Variants in PRKD1 observed in about 807,000 individuals in gnomAD.
PRKD1 encodes serine/threonine-protein kinase D1.
In PRKD1, 63 loss-of-function variants were observed where a neutral mutation model predicts 95.9. The observed-to-expected ratio is 0.66, with a 90% confidence interval of 0.54 to 0.81. PRKD1 has a LOEUF of 0.81. Among genes scored for constraint, PRKD1 ranks in the 30% least tolerant of loss-of-function variants. The pLI, the probability that PRKD1 is intolerant of heterozygous loss-of-function variation, is 0.00. For missense variants in PRKD1, 1,048 were observed against 1,165.3 expected (o/e 0.90, Z 1.47); for synonymous variants, 425 against 423.1 (o/e 1.00, Z -0.05).
At chr14:29,871,197 A>G (rs925421514) in intron 1 of PRKD1, among the ~76,000 whole-genome samples, 1 of 152,226 alleles carries the variant, frequency 6.6e-6, no homozygotes, top group South Asian at 2.1e-4. Flanking sequence ...GTGAGCAACA[A>G]TTGGAAATGA....
At chr14:29,608,255 C>G (rs1395390839) in intron 13 of PRKD1, among the ~76,000 whole-genome samples, 4 of 151,870 alleles carry the variant, frequency 2.6e-5, no homozygotes, top group African/African-American at 9.7e-5. Flanking sequence ...AAATTGTAAT[C>G]ATTTCAAATA....
At chr14:29,736,279 G>A (rs773058537) in intron 1 of PRKD1, among the ~76,000 whole-genome samples, 46 of 152,090 alleles carry the variant, frequency 3.0e-4, no homozygotes, top group Non-Finnish European at 5.9e-4. Flanking sequence ...AGAAAAATCC[G>A]TTTTATTGAA....
chr14:29,737,181 G>T (rs1886760139), intron 1 of PRKD1, among the ~76,000 whole-genome samples: 1 of 150,650 alleles, frequency 6.6e-6, no homozygotes, highest in Non-Finnish European at 1.5e-5. Context: ...AATTAGCCGG[G>T]CGCGGTGGCG....
chr14:29,706,394 T>C (rs1885092601), intron 2 of PRKD1, among the ~76,000 whole-genome samples: 1 of 152,158 alleles, frequency 6.6e-6, no homozygotes, highest in African/African-American at 2.4e-5. Context: ...TGTTAGATGC[T>C]GTTAAAATTA....
intron 1 of PRKD1, among the ~76,000 whole-genome samples, chr14:29,896,867 G>T (rs1487224228): frequency 3.3e-5 from 5 of 151,984 alleles, no homozygotes; most frequent in East Asian, 1.9e-4. Context: ...GGGTAGAAAG[G>T]ATATGGGACA....
intron 11 of PRKD1, among the ~76,000 whole-genome samples, chr14:29,626,945 C>T (rs2139098837): frequency 6.6e-6 from 1 of 152,124 alleles, no homozygotes; most frequent in Non-Finnish European, 1.5e-5. Context: ...GAACTTCTGA[C>T]CTAGTGATCC....
At chr14:29,900,516 G>T (rs938786594) in intron 1 of PRKD1, among the ~76,000 whole-genome samples, 4 of 152,084 alleles carry the variant, frequency 2.6e-5, no homozygotes, top group Non-Finnish European at 4.4e-5. Context: ...AGCTTCTGCA[G>T]AGTAAAATAA....
chr14:29,605,425 C>G (rs1000967891), intron 13 of PRKD1, among the ~76,000 whole-genome samples: 6 of 152,152 alleles, frequency 3.9e-5, no homozygotes, highest in African/African-American at 2.4e-5. Context: ...ATTTTTATAA[C>G]AAGCCACACT....
intron 1 of PRKD1, among the ~76,000 whole-genome samples, chr14:29,738,531 A>G (rs997365275): frequency 1.3e-5 from 2 of 152,216 alleles, no homozygotes; most frequent in Non-Finnish European, 2.9e-5. Flanking sequence ...TGTGAAGATA[A>G]ATCTGTAATA....
chr14:29,760,312 G>GA (rs1203100191), intron 1 of PRKD1, among the ~76,000 whole-genome samples: 2 of 149,180 alleles, frequency 1.3e-5, no homozygotes, highest in Non-Finnish European at 3.0e-5. Flanking sequence ...TTCAATTTCA[G>GA]ATGACACCTA....
intron 1 of PRKD1, among the ~76,000 whole-genome samples, chr14:29,915,609 G>A (rs1894863917): frequency 6.6e-6 from 1 of 152,190 alleles, no homozygotes; most frequent in African/African-American, 2.4e-5. Flanking sequence ...AATCCTTGTA[G>A]TAGTGGCCTC....
At chr14:29,839,762 GGA>G (rs1392926074) in intron 1 of PRKD1, among the ~76,000 whole-genome samples, 1 of 152,052 alleles carries the variant, frequency 6.6e-6, no homozygotes, top group Non-Finnish European at 1.5e-5. Context: ...AACACCATGT[GGA>G]AGCTGCCAAG....
At chr14:29,852,324 A>G (rs1438397839) in intron 1 of PRKD1, among the ~76,000 whole-genome samples, 2 of 152,182 alleles carry the variant, frequency 1.3e-5, no homozygotes, top group African/African-American at 4.8e-5. Context: ...GATGCTTAAA[A>G]GTATAATAAA....
intron 1 of PRKD1, among the ~76,000 whole-genome samples, chr14:29,851,484 C>T (rs1447550317): frequency 6.6e-6 from 1 of 152,050 alleles, no homozygotes; most frequent in Non-Finnish European, 1.5e-5. Context: ...AAATGCTCAC[C>T]ATCGCTAATC....
In PRKD1 at chr14:29,676,728, G is replaced by T. The variant is rs112697319; in HGVS notation, c.404-10520C>A. Reference sequence around the variant, plus strand: ...ATATTAAGGTAGGGGTGGATGAAAAGTAGGCAAATAAATACATAGGATACA... The same window carrying T: ...ATATTAAGGTAGGGGTGGATGAAAATTAGGCAAATAAATACATAGGATACA... On this transcript the variant is annotated intron_variant, in intron 2 of 17. Transcript: ENST00000331968. Among the ~76,000 whole-genome samples, 7 of 152,250 alleles carry T rather than the reference G, an allele frequency of 4.6e-5. 1 individual carries two copies. Among genetic ancestry groups the T allele is most frequent in the African/African-American group, 1.7e-4 (7 of 41,552 alleles).
At chr14:29,878,255 A>G (rs1893373121) in intron 1 of PRKD1, among the ~76,000 whole-genome samples, 1 of 150,556 alleles carries the variant, frequency 6.6e-6, no homozygotes, top group African/African-American at 2.5e-5. Flanking sequence ...CTGTGACACA[A>G]GTTTGCCTAT....
At chr14:29,916,281 A>C (rs1190272811) in intron 1 of PRKD1, among the ~76,000 whole-genome samples, 1 of 152,180 alleles carries the variant, frequency 6.6e-6, no homozygotes, top group African/African-American at 2.4e-5. Context: ...CGCTTGTAAA[A>C]AGCAACCTCC....
At chr14:29,715,894 T>G (rs1432710111) in intron 2 of PRKD1, among the ~76,000 whole-genome samples, 1 of 152,150 alleles carries the variant, frequency 6.6e-6, no homozygotes, top group Non-Finnish European at 1.5e-5. Context: ...CCACATGCGT[T>G]TTAGAAGCCA....
intron 1 of PRKD1, among the ~76,000 whole-genome samples, chr14:29,909,724 T>C (rs539926165): frequency 6.6e-6 from 1 of 152,158 alleles, no homozygotes; most frequent in Admixed American, 6.5e-5. Flanking sequence ...TCAAGGTTTG[T>C]AAACACACCA....
Sources: gnomAD v4.1 joint callset for allele counts (sites outside exome capture counted in the v4.1 genomes callset) on GRCh38, gnomAD v4.1.1 for gene constraint, MANE v1.5 for transcripts, NCBI Gene and HGNC (gene_info 2026-07-23, HGNC 2026-07-21) for gene names.